The following RYR2 variants were observed in gnomAD, a reference collection of about 807,000 sequenced individuals.
The protein encoded by RYR2 is cardiac muscle ryanodine receptor-calcium release channel.
RYR2 carries 227 observed loss-of-function variants against 601.1 expected under a neutral mutation model. The observed-to-expected ratio is 0.38, with a 90% CI of 0.34 to 0.42. The LOEUF (loss-of-function observed/expected upper bound fraction) is 0.42, where lower values mean the gene tolerates loss of function less well. Among genes scored for constraint, RYR2 ranks in the 10% least tolerant of loss-of-function variants. The pLI is 1.00. For missense variants in RYR2, 4,646 were observed against 6,156.5 expected (o/e 0.75, Z 8.21); for synonymous variants, 2,223 against 2,175.1 (o/e 1.02, Z -0.61).
At chr1:237,330,680 A>T (rs1490521986) in intron 2 of RYR2, among the ~76,000 whole-genome samples, 198 bp from the exon 3 acceptor site, 2 of 152,078 alleles carry the variant, frequency 1.3e-5, no homozygotes, top group African/African-American at 2.4e-5. Context: ...GAGCCACCGC[A>T]CCCGGCCACT....
chr1:237,294,243 C>T (rs1692523283), intron 2 of RYR2, among the ~76,000 whole-genome samples: 1 of 152,062 alleles, frequency 6.6e-6, no homozygotes, highest in South Asian at 2.1e-4. Context: ...ATCACAGTAT[C>T]ACAAGAGTTA....
At chr1:237,333,948 A>G (rs1286590033) in intron 3 of RYR2, among the ~76,000 whole-genome samples, 1 of 152,170 alleles carries the variant, frequency 6.6e-6, no homozygotes, top group Non-Finnish European at 1.5e-5. Context: ...CTCTTTCATA[A>G]TCAACTTTCT....
intron 66 of RYR2, among the ~76,000 whole-genome samples, chr1:237,703,084 A>T (rs1210396214): frequency 6.6e-6 from 1 of 151,914 alleles, no homozygotes; most frequent in African/African-American, 2.4e-5. Context: ...TGCCAGATCT[A>T]TGTTCATAGA....
chr1:237,381,079 A>C (rs1701470778), intron 8 of RYR2, among the ~76,000 whole-genome samples: 1 of 151,844 alleles, frequency 6.6e-6, no homozygotes, highest in African/African-American at 2.4e-5. Context: ...ATTCCATCTC[A>C]AAAGAAAAAA....
chr1:237,746,689 T>G (rs1692108436), intron 80 of RYR2, among the ~76,000 whole-genome samples: 1 of 152,146 alleles, frequency 6.6e-6, no homozygotes, highest in East Asian at 1.9e-4. Flanking sequence ...AGTTAATTAT[T>G]TTTTAGGTTT....
intron 2 of RYR2, among the ~76,000 whole-genome samples, chr1:237,280,801 CTGAGA>C (rs1343243143): frequency 5.4e-5 from 6 of 110,784 alleles, no homozygotes; most frequent in African/African-American, 1.8e-4. Context: ...TTTTTGTTTT[CTGAGA>C]TGGAGTCTCA....
rs2149437433 is a variant in RYR2 at position 237,806,149 on chromosome 1, C to T, written c.14164C>T (p.Leu4722=). The change falls in exon 99 of 105, where the codon CTA becomes TTA. Residue 4722 remains leucine, a synonymous_variant. Transcript: ENST00000366574. The part of the protein sequence containing the change: ...VVFTDNSFLY[L]AWYMTMSVLG... Reference sequence around the variant, plus strand: ...TTTGTCTTAATAGTCCTTCCTCTACCTAGCCTGGTATATGACTATGTCTGT... The same window carrying T: ...TTTGTCTTAATAGTCCTTCCTCTACTTAGCCTGGTATATGACTATGTCTGT... 1.9e-6 allele frequency: 3 copies of T among 1,613,590 alleles called. No homozygotes were observed. The highest frequency in any genetic ancestry group is 1.7e-4 in the Middle Eastern group (1 of 6,060).
chr1:237,719,680 G>A (rs1199689944), intron 73 of RYR2, among the ~76,000 whole-genome samples: 1 of 152,046 alleles, frequency 6.6e-6, no homozygotes, highest in South Asian at 2.1e-4. Flanking sequence ...CTCCAACACT[G>A]AGGATTACAT....
At chr1:237,224,395 G>A (rs760947253) in intron 1 of RYR2, among the ~76,000 whole-genome samples, 1 of 152,196 alleles carries the variant, frequency 6.6e-6, no homozygotes, top group Admixed American at 6.5e-5. Flanking sequence ...GTTTTGAAAA[G>A]TCAAAAGTTA....
intron 1 of RYR2, among the ~76,000 whole-genome samples, chr1:237,095,567 C>A (rs180696749): frequency 4.6e-5 from 7 of 152,332 alleles, no homozygotes; most frequent in Admixed American, 2.0e-4. Context: ...AGGGAAGTAC[C>A]CACAAGGCAA....
At position 237,663,114 on chromosome 1, in the gene RYR2, G is replaced by A. The variant is rs545186039; in HGVS notation, c.8436+2167G>A. Among the ~76,000 whole-genome samples the A allele has an allele frequency of 2.6e-5, 4 of 152,242 alleles. No individual in the cohort carries two copies. The East Asian group carries it at 5.8e-4, about 22-fold the overall frequency. On this transcript the variant is annotated intron_variant, in intron 56 of 104. Transcript: ENST00000366574. ...AAATGGGGAGCAATATACACCAAAGGCCACAAGTCTATTTATAACTTGCCA... is the reference window on the plus strand; with the variant it reads ...AAATGGGGAGCAATATACACCAAAGACCACAAGTCTATTTATAACTTGCCA...
In RYR2 at chr1:237,270,515, C is replaced by T; in HGVS notation, c.67C>T (p.Gln23Ter). The T allele has an allele frequency of 6.3e-7, 1 of 1,586,796 alleles. No individual in the cohort carries two copies. Among genetic ancestry groups the T allele is most frequent in the Non-Finnish European group, 8.6e-7 (1 of 1,165,906 alleles). The part of the protein sequence containing the change: ...FLRTDDEVVL[Q>*]CTATIHKEQQ... Reference sequence around the variant, plus strand: ...TTTGCAGGATGATGAAGTGGTTCTGCAGTGCACCGCAACCATCCACAAAGA... The same window carrying T: ...TTTGCAGGATGATGAAGTGGTTCTGTAGTGCACCGCAACCATCCACAAAGA... The change falls in exon 2 of 105, where the codon CAG (glutamine) becomes TAG (stop). Residue 23 changes from glutamine to a stop codon, truncating the protein, a stop_gained. Coordinates refer to ENST00000366574, the MANE Select transcript of RYR2 (RefSeq NM_001035.3). LOFTEE classifies it high-confidence loss of function.
At chr1:237,100,839 G>A (rs181636754) in intron 1 of RYR2, among the ~76,000 whole-genome samples, 15 of 152,142 alleles carry the variant, frequency 9.9e-5, no homozygotes, top group African/African-American at 2.9e-4. Context: ...AAGTTATCCC[G>A]GCCCCTGGGA....
chr1:237,606,659 A>G (rs534158280), intron 35 of RYR2, among the ~76,000 whole-genome samples: 1 of 152,298 alleles, frequency 6.6e-6, no homozygotes, highest in Admixed American at 6.5e-5. Flanking sequence ...AAATTTTTGC[A>G]TTTTTGCAAT....
At chr1:237,705,863 A>T (rs1238174396) in intron 67 of RYR2, among the ~76,000 whole-genome samples, 3 of 152,332 alleles carry the variant, frequency 2.0e-5, no homozygotes, top group Middle Eastern at 3.4e-3. Context: ...ATTAGCTTAT[A>T]GCAGAAAGAA....
At chr1:237,695,071 A>G (rs1043759060) in intron 63 of RYR2, among the ~76,000 whole-genome samples, 2 of 152,192 alleles carry the variant, frequency 1.3e-5, no homozygotes, top group Admixed American at 6.5e-5. Flanking sequence ...AGATTATAAA[A>G]CAGAACTGGC....
At chr1:237,526,162 C>G (rs1018920582) in intron 24 of RYR2, among the ~76,000 whole-genome samples, 1 of 151,954 alleles carries the variant, frequency 6.6e-6, no homozygotes, top group Non-Finnish European at 1.5e-5. Context: ...CATCCTCACC[C>G]ACATCTTTTA....
chr1:237,554,224 A>T (rs1009617994), intron 27 of RYR2, among the ~76,000 whole-genome samples: 3 of 151,856 alleles, frequency 2.0e-5, no homozygotes, highest in Admixed American at 6.6e-5. Context: ...AATTTTGTCC[A>T]GTGCTTTTTT....
intron 12 of RYR2, among the ~76,000 whole-genome samples, chr1:237,440,926 A>G (rs1275025082): frequency 6.6e-6 from 1 of 152,018 alleles, no homozygotes; most frequent in East Asian, 1.9e-4. Context: ...TCTTAGAGGT[A>G]ATGAGTGGCA....
Sources: allele counts gnomAD v4.1 joint callset (sites outside exome capture counted in the v4.1 genomes callset), GRCh38; gene constraint gnomAD v4.1.1; transcripts MANE v1.5; gene names NCBI Gene and HGNC (gene_info 2026-07-23, HGNC 2026-07-21).